Variants in AAMDC observed in about 807,000 individuals in gnomAD.
AAMDC encodes the protein mth938 domain-containing protein.
In AAMDC, 16 loss-of-function variants were observed where a neutral mutation model predicts 15.5. That is an observed-to-expected ratio of 1.03 (90% CI 0.70 to 1.57). The LOEUF (loss-of-function observed/expected upper bound fraction) is 1.57, where lower values mean the gene tolerates loss of function less well. Ranked by LOEUF, AAMDC falls within the 40% of genes most tolerant of loss-of-function variation. The probability of loss-of-function intolerance (pLI) is 0.00; values close to 1 mark genes in which losing one functional copy is unlikely to be tolerated. For synonymous variants in AAMDC, 51 were observed against 51.6 expected (o/e 0.99, Z 0.05); for missense variants, 141 against 144.9 (o/e 0.97, Z 0.14).
chr11:77,830,767 A>G (rs1949386001), intron 1 of AAMDC, among the ~76,000 whole-genome samples: 1 of 152,114 alleles, frequency 6.6e-6, no homozygotes, highest in African/African-American at 2.4e-5. Context: ...CAAAGAAAAT[A>G]TACAAATAGC....
chr11:77,859,740 C>T (rs1950795719), intron 2 of AAMDC, among the ~76,000 whole-genome samples: 1 of 152,334 alleles, frequency 6.6e-6, no homozygotes, highest in Admixed American at 6.5e-5. Flanking sequence ...CCTCAAGTGG[C>T]ATAGGTTTGA....
intron 2 of AAMDC, among the ~76,000 whole-genome samples, chr11:77,850,162 T>A (rs867890176): frequency 1.3e-5 from 2 of 152,336 alleles, no homozygotes; most frequent in South Asian, 4.1e-4. Context: ...AATTCCTTTT[T>A]CATTAGTTTA....
intron 1 of AAMDC, among the ~76,000 whole-genome samples, chr11:77,827,635 T>G (rs1008542353): frequency 1.2e-4 from 18 of 152,220 alleles, no homozygotes; most frequent in Non-Finnish European, 2.4e-4. Context: ...TCAGCCTGAT[T>G]AAGAGCATTA....
At chr11:77,834,450 T>TG (rs1443174376) in intron 1 of AAMDC, among the ~76,000 whole-genome samples, 3 of 148,570 alleles carry the variant, frequency 2.0e-5, no homozygotes, top group African/African-American at 7.4e-5. Flanking sequence ...TGTTTTTTTT[T>TG]TTTTTTTTTT....
chr11:77,905,692 C>G (rs1244626006), downstream of AAMDC, among the ~76,000 whole-genome samples: 1 of 152,230 alleles, frequency 6.6e-6, no homozygotes. Flanking sequence ...ACTGCATATG[C>G]AGTGGTGACC....
chr11:77,897,392 C>T (rs993694322), intron 5 of AAMDC, among the ~76,000 whole-genome samples: 2 of 150,838 alleles, frequency 1.3e-5, no homozygotes, highest in African/African-American at 4.9e-5. Context: ...GAAGGATATA[C>T]AAGGATTATG....
intron 5 of AAMDC, among the ~76,000 whole-genome samples, chr11:77,883,387 G>A (rs576631226): frequency 6.6e-6 from 1 of 152,042 alleles, no homozygotes; most frequent in Non-Finnish European, 1.5e-5. Context: ...GACATAAGTT[G>A]GCAAATGAAA....
At chr11:77,869,058 C>A in intron 2 of AAMDC, 1 of 326,744 alleles carries the variant, frequency 3.1e-6, no homozygotes, top group South Asian at 4.1e-5. Flanking sequence ...GAACAGTACC[C>A]ATTCCCTTGA....
intron 5 of AAMDC, among the ~76,000 whole-genome samples, chr11:77,897,497 T>C (rs1364674065): frequency 1.3e-5 from 2 of 150,370 alleles, no homozygotes; most frequent in African/African-American, 2.5e-5. Context: ...CTCCAAGTTA[T>C]TATTATTATT....
intron 1 of AAMDC, among the ~76,000 whole-genome samples, chr11:77,841,551 G>A (rs987485308): frequency 1.3e-5 from 2 of 152,158 alleles, no homozygotes; most frequent in African/African-American, 4.8e-5. Context: ...TCCAGCTGTT[G>A]TATGTCTTCA....
At chr11:77,844,205 A>G (rs750923721) in intron 2 of AAMDC, among the ~76,000 whole-genome samples, 13 of 152,284 alleles carry the variant, frequency 8.5e-5, no homozygotes, top group Admixed American at 2.0e-4. Flanking sequence ...AAGGGCACTA[A>G]TCTCATTCAT....
chr11:77,847,014 G>C (rs770209325), intron 2 of AAMDC, among the ~76,000 whole-genome samples: 2 of 152,034 alleles, frequency 1.3e-5, no homozygotes, highest in Non-Finnish European at 2.9e-5. Context: ...GTGTAAATTT[G>C]AGCCCCAAAC....
chr11:77,873,928 T>C (rs911378562), downstream of AAMDC, among the ~76,000 whole-genome samples: 6 of 152,210 alleles, frequency 3.9e-5, no homozygotes, highest in South Asian at 2.1e-4. Context: ...AGTGGAAAGA[T>C]GATTTTTGCT....
At chr11:77,826,686 C>A (rs930629301) in intron 1 of AAMDC, among the ~76,000 whole-genome samples, 7 of 152,144 alleles carry the variant, frequency 4.6e-5, no homozygotes, top group African/African-American at 1.7e-4. Flanking sequence ...CACACCAGAC[C>A]CTATAACTGT....
chr11:77,824,889 G>C (rs1279519510), intron 1 of AAMDC, among the ~76,000 whole-genome samples: 1 of 152,132 alleles, frequency 6.6e-6, no homozygotes, highest in Non-Finnish European at 1.5e-5. Context: ...ATCCCAATTA[G>C]CATTGGTACC....
chr11:77,901,228 G>A, downstream of AAMDC: 1 of 662,806 alleles, frequency 1.5e-6, no homozygotes, highest in Non-Finnish European at 2.6e-6. Context: ...GACACAATTG[G>A]ATTTCCAAGG....
At position 77,821,146 on chromosome 11, in the gene AAMDC, T is replaced by C. The variant is rs935458038; in HGVS notation, c.-114T>C. 10 of 398,034 alleles carry C rather than the reference T, an allele frequency of 2.5e-5. No homozygotes were observed. Among genetic ancestry groups the C allele is most frequent in the African/African-American group, 1.5e-4 (7 of 48,176 alleles). The allele number at this position is 398,034 out of a possible 1,614,324, so 24.7% of individuals were successfully genotyped here. On this transcript the variant is annotated 5_prime_UTR_variant, in exon 1 of 4. Coordinates refer to ENST00000393427, the MANE Select transcript of AAMDC (RefSeq NM_024684.4). ...TGCAGGGCGTATTCCCGGAGGGCAG[T>C]TGGGGAGCGCAGATCCCGAAGCAGC...
chr11:77,877,085 A>ACTT (rs1484335670), downstream of AAMDC: 13 of 701,884 alleles, frequency 1.9e-5, no homozygotes, highest in Non-Finnish European at 2.6e-5. Flanking sequence ...CCTGGAGTTA[A>ACTT]TCATTCTTCC....
At chr11:77,832,179 A>G (rs1949459121) in intron 1 of AAMDC, among the ~76,000 whole-genome samples, 1 of 152,108 alleles carries the variant, frequency 6.6e-6, no homozygotes, top group Admixed American at 6.6e-5. Context: ...CACACTGACA[A>G]TAGTTAACTG....
Sources: allele counts gnomAD v4.1 joint callset (sites outside exome capture counted in the v4.1 genomes callset), GRCh38; gene constraint gnomAD v4.1.1; transcripts MANE v1.5; gene names NCBI Gene and HGNC (gene_info 2026-07-23, HGNC 2026-07-21).